The following LCTL variants were observed in gnomAD, a reference collection of about 807,000 sequenced individuals.
LCTL encodes the protein lactase like.
A neutral mutation model predicts 75.8 loss-of-function variants in LCTL; 76 were observed. The ratio of observed to expected loss-of-function variants is 1.00; its 90% CI spans 0.83 to 1.21. The LOEUF is 1.21. LCTL is among the 50% of genes most tolerant of loss of function. The pLI, the probability that LCTL is intolerant of heterozygous loss-of-function variation, is 0.00. For synonymous variants in LCTL, 271 were observed against 268.8 expected (o/e 1.01, Z -0.08); for missense variants, 670 against 712.4 (o/e 0.94, Z 0.68).
intron 1 of LCTL, 27 bp from the exon 3 acceptor site, chr15:66,564,866 C>T (rs754468303): frequency 1.9e-6 from 3 of 1,597,954 alleles, no homozygotes; most frequent in South Asian, 2.2e-5. Flanking sequence ...GTGCTGGGTC[C>T]CAGGTGCTCC....
chr15:66,564,742 A>G lies in LCTL; in HGVS notation c.216T>C (p.Ser72=), dbSNP rs764150387. The change falls in exon 2 of 13, where the codon AGT becomes AGC. Residue 72 remains serine, a synonymous_variant. Transcript: ENST00000341509. ...CATTCCCAAGCACTTTCCCCTTCCC[A>G]CTGTGTGTGAAGACGTCCCAGATGC... 6.1e-5 allele frequency: 99 copies of G among 1,613,096 alleles called. 2 individuals are homozygous for G. In the Middle Eastern group the frequency reaches 6.6e-4, roughly 11 times the overall value.
upstream of LCTL, chr15:66,565,970 C>T (rs745699091): frequency 2.0e-5 from 3 of 152,464 alleles, no homozygotes; most frequent in African/African-American, 7.2e-5. Flanking sequence ...ACAGCACAGC[C>T]GAAGGCTCTG....
intron 6 of LCTL, among the ~76,000 whole-genome samples, chr15:66,558,921 C>G (rs1895812678): frequency 6.6e-6 from 1 of 151,724 alleles, no homozygotes; most frequent in Non-Finnish European, 1.5e-5. Flanking sequence ...ATCTCGAACT[C>G]CAGACCTCAA....
At chr15:66,554,859 A>G (rs757178303) in intron 8 of LCTL, among the ~76,000 whole-genome samples, 4 of 152,226 alleles carry the variant, frequency 2.6e-5, no homozygotes, top group African/African-American at 9.6e-5. Context: ...AAGCACATAC[A>G]CTGACCACAT....
At chr15:66,553,610 C>G (rs1367715381) in intron 8 of LCTL, among the ~76,000 whole-genome samples, 1 of 151,814 alleles carries the variant, frequency 6.6e-6, no homozygotes, top group African/African-American at 2.4e-5. Flanking sequence ...AAAAAATTAG[C>G]CGGGCGTGGT....
intron 4 of LCTL, 112 bp downstream of exon 5, chr15:66,563,404 C>A: frequency 1.6e-6 from 1 of 636,464 alleles, no homozygotes; most frequent in South Asian, 2.0e-5. Flanking sequence ...AGTCCTGCGC[C>A]AGAATCCAGA....
intron 9 of LCTL, among the ~76,000 whole-genome samples, chr15:66,552,667 CAAAAAAAA>C (rs752480803): frequency 1.9e-5 from 1 of 53,106 alleles, no homozygotes; most frequent in Non-Finnish European, 4.6e-5. Flanking sequence ...GAGACTGTCT[CAAAAAAAA>C]AAAAAAAAAA....
chr15:66,548,993 ATAT>A (rs1895491409), intron 12 of LCTL: 1 of 156,758 alleles, frequency 6.4e-6, no homozygotes, highest in African/African-American at 2.4e-5. Context: ...ATCTTTCAAA[ATAT>A]TATTGTGTAT....
At position 66,564,582 on chromosome 15, in the gene LCTL, TCCC is replaced by T. The variant is rs1324492382; in HGVS notation, c.282+91_282+93del. ...ATGGGGATGACATTGTCATCAGAGC[TCCC>T]CCAAACGTCACTCCCTGCCTCCCAG... On this transcript the variant is annotated intron_variant, in intron 2 of 12. Transcript: ENST00000341509. 3 of 1,383,716 alleles carry T rather than the reference TCCC, an allele frequency of 2.2e-6. No individual in the cohort carries two copies. In the East Asian group the frequency reaches 7.3e-5, roughly 34 times the overall value. 85.7% of individuals were successfully genotyped at this position (1,383,716 alleles called of 1,614,324 possible). A position where few individuals can be genotyped will look rare whatever the true frequency, so the allele number is the denominator to read the frequency against.
chr15:66,565,268 T>C lies in LCTL; in HGVS notation c.98A>G (p.Tyr33Cys), dbSNP rs752213647. The C allele has an allele frequency of 2.0e-5, 32 of 1,611,642 alleles. 1 individual carries two copies. The South Asian group carries it at 2.9e-4, about 14-fold the overall frequency. Residue 33 changes from tyrosine to cysteine, a missense_variant, in exon 1 of 13, where the codon TAC (tyrosine) becomes TGC (cysteine). Physicochemically the swap from Tyr to Cys is radical, Grantham distance 194. Transcript: ENST00000341509. ...CGTACCAAGAGGGAAGGTTCCATAG[T>C]AGAAGGAGGCCTCTTCTGGGGACCC...
At chr15:66,564,108 C>A in intron 2 of LCTL, 110 bp from the exon 4 acceptor site, 4 of 731,284 alleles carry the variant, frequency 5.5e-6, no homozygotes, top group Admixed American at 2.0e-5. Context: ...TGTTAGTGGG[C>A]AAGGAAGAAC....
At chr15:66,548,703 A>C (rs568798688) in intron 12 of LCTL, 98 bp from the exon 14 acceptor site, 1 of 513,516 alleles carries the variant, frequency 1.9e-6, no homozygotes, top group South Asian at 4.2e-5. Flanking sequence ...GGGAAAACTT[A>C]AAAAATAGCA....
chr15:66,563,221 C>T (rs1020999718), intron 4 of LCTL, among the ~76,000 whole-genome samples: 1 of 152,180 alleles, frequency 6.6e-6, no homozygotes, highest in Non-Finnish European at 1.5e-5. Flanking sequence ...ACTGGGGCCT[C>T]ACCAGAGTCT....
chr15:66,556,711 A>G (rs1247087404), intron 8 of LCTL, among the ~76,000 whole-genome samples: 1 of 152,232 alleles, frequency 6.6e-6, no homozygotes, highest in Non-Finnish European at 1.5e-5. Flanking sequence ...AGTCACACAA[A>G]GACAAATACT....
chr15:66,557,883 C>A, exon 8 of LCTL: 1 of 1,613,608 alleles, frequency 6.2e-7, no homozygotes, highest in Non-Finnish European at 8.5e-7. Context: ...TCCCACCAGA[C>A]CTTAAAAGAA....
At chr15:66,557,828 G>A in exon 8 of LCTL, 1 of 1,614,118 alleles carries the variant, frequency 6.2e-7, no homozygotes. Context: ...GGTCCTTGGG[G>A]TTACTAATGT....
chr15:66,553,290 GCCTT>G, intron 8 of LCTL, 32 bp from the exon 10 acceptor site: 1 of 1,495,718 alleles, frequency 6.7e-7, no homozygotes, highest in Non-Finnish European at 8.9e-7. Flanking sequence ...ATTTAACAAA[GCCTT>G]ATTTTCTCCC....
rs145011446 is a variant in LCTL at position 66,560,587 on chromosome 15, T to C, written c.705+419A>G. 3.3e-5 allele frequency among the ~76,000 whole-genome samples: 5 copies of C among 152,282 alleles called. No individual in the cohort carries two copies. In the East Asian group the frequency reaches 9.6e-4, roughly 29 times the overall value. ...TTCCAAACTAGTTTTCCTTCCTCCT[T>C]CAAAATTCCCAGGTTCTTTGAAGTC... is the stretch of plus-strand genomic sequence containing the variant. On this transcript the variant is annotated intron_variant, in intron 6 of 12. Coordinates refer to ENST00000341509, the Ensembl canonical transcript of LCTL.
intron 9 of LCTL, 98 bp from the exon 11 acceptor site, chr15:66,552,267 C>G: frequency 1.1e-6 from 1 of 932,186 alleles, no homozygotes; most frequent in South Asian, 1.7e-5. Context: ...TCAAGCCTGC[C>G]ACATTCTAAT....
Sources: gnomAD v4.1 joint callset for allele counts (sites outside exome capture counted in the v4.1 genomes callset) on GRCh38, gnomAD v4.1.1 for gene constraint, MANE v1.5 for transcripts, NCBI Gene and HGNC (gene_info 2026-07-23, HGNC 2026-07-21) for gene names.